The following SVOPL variants were observed in gnomAD, a reference collection of about 807,000 sequenced individuals.
The protein encoded by SVOPL is putative transporter SVOPL.
SVOPL carries 60 observed loss-of-function variants against 61.0 expected under a neutral mutation model. The ratio of observed to expected loss-of-function variants is 0.98; its 90% confidence interval spans 0.80 to 1.22. The LOEUF is 1.22. Among genes scored for constraint, SVOPL ranks in the 50% most tolerant of loss-of-function variants. The probability of loss-of-function intolerance (pLI) is 0.00; values close to 1 mark genes in which losing one functional copy is unlikely to be tolerated. For missense variants in SVOPL, 662 were observed against 643.9 expected (o/e 1.03, Z -0.30); for synonymous variants, 279 against 250.0 (o/e 1.12, Z -1.09).
chr7:138,621,107 C>G lies in SVOPL; in HGVS notation c.1292G>C (p.Gly431Ala). The G allele has an allele frequency of 6.2e-7, 1 of 1,613,702 alleles. No individual in the cohort carries two copies. Among genetic ancestry groups the G allele is most frequent in the Non-Finnish European group, 8.5e-7 (1 of 1,179,858 alleles). Residue 431 changes from glycine to alanine, a missense_variant, in exon 14 of 16, where the codon GGG becomes GCG. Coordinates refer to ENST00000674285, the MANE Select transcript of SVOPL (RefSeq NM_001139456.2). ...EVYPTTMRAL[G>A]MGTSGSLCRI... ...ACACAGGGAGCCGCTGGTTCCCATCCCCAAAGCGCGCATCGTGGTGGGGTA... is the reference window on the plus strand; with the variant it reads ...ACACAGGGAGCCGCTGGTTCCCATCGCCAAAGCGCGCATCGTGGTGGGGTA...
chr7:138,640,723 T>C (rs1233205057), intron 9 of SVOPL, among the ~76,000 whole-genome samples: 1 of 152,014 alleles, frequency 6.6e-6, no homozygotes, highest in Admixed American at 6.6e-5. Flanking sequence ...TGGGTACTCA[T>C]GGACATAAAG....
Position 138,656,511 on chromosome 7 carries a change from C to T in SVOPL, c.471G>A (p.Gly157=). 1 of 1,613,616 alleles carries T rather than the reference C, an allele frequency of 6.2e-7. No homozygotes were observed. The highest frequency in any genetic ancestry group is 1.1e-5 in the South Asian group (1 of 91,012). The part of the protein sequence containing the change: ...VGCGVSGHSQ[G]LIIKTEFLPT... The stretch of plus-strand genomic sequence containing the variant: ...GCAAAAATTCAGTCTTTATGATTAA[C>T]CTAAACAGGAAGCAGGAAAAAGCAT... The change falls in exon 7 of 16, where the codon GGG becomes GGA. Residue 157 remains glycine (G), a splice_region_variant and synonymous_variant. Coordinates refer to ENST00000674285, the MANE Select transcript of SVOPL (RefSeq NM_001139456.2).
rs140910346 is a variant in SVOPL at position 138,625,958 on chromosome 7, T to A, written c.1263+11A>T. 127 of 1,613,914 alleles carry A rather than the reference T, an allele frequency of 7.9e-5. No homozygotes were observed. The highest frequency in any genetic ancestry group is 1.6e-4 in the Middle Eastern group (1 of 6,062). On this transcript the variant is annotated intron_variant, in intron 13 of 15. Coordinates refer to ENST00000674285, the MANE Select transcript of SVOPL (RefSeq NM_001139456.2). ...ACACCCTTTGTAAGCAAGCCTTGCA[T>A]GAAAACTCACCTCAGCTGTGTAAAT...
chr7:138,689,419 AGAT>A, intron 1 of SVOPL: 1 of 1,276,552 alleles, frequency 7.8e-7, no homozygotes, highest in Non-Finnish European at 1.1e-6. Flanking sequence ...TGCCACATCG[AGAT>A]GATCCTTACT....
chr7:138,678,884 C>T (rs1307075787), intron 2 of SVOPL, 80 bp downstream of exon 2: 58 of 1,418,774 alleles, frequency 4.1e-5, no homozygotes, highest in Non-Finnish European at 5.0e-5. Flanking sequence ...CTTTTGACCT[C>T]ACCTTTTTGC....
At chr7:138,676,709 C>T (rs1188112811) in intron 3 of SVOPL, among the ~76,000 whole-genome samples, 1 of 152,128 alleles carries the variant, frequency 6.6e-6, no homozygotes, top group Non-Finnish European at 1.5e-5. Context: ...TGTTTGAGAG[C>T]CATGTGTTCG....
At chr7:138,655,887 G>A (rs1356686184) in intron 7 of SVOPL, among the ~76,000 whole-genome samples, 3 of 152,124 alleles carry the variant, frequency 2.0e-5, no homozygotes, top group Non-Finnish European at 2.9e-5. Context: ...CATAAACTTA[G>A]TTGATAAGGC....
chr7:138,612,715 A>T (rs984690903), intron 14 of SVOPL, among the ~76,000 whole-genome samples: 1 of 152,018 alleles, frequency 6.6e-6, no homozygotes, highest in African/African-American at 2.4e-5. Context: ...GGTTTTCACC[A>T]TGTTGGCCAG....
rs547282880 is a variant in SVOPL at position 138,700,553 on chromosome 7, C to A, written c.-35+625G>T. Among the ~76,000 whole-genome samples, 5 of 152,064 alleles carry A rather than the reference C, an allele frequency of 3.3e-5. No homozygotes were observed. In the South Asian group the frequency reaches 1.0e-3, roughly 32 times the overall value. The stretch of plus-strand genomic sequence containing the variant: ...ACGGGGTTTCACCATCTTGGTCAGG[C>A]TGGTCTTGAACTCCTGACCTTGTGA... On this transcript the variant is annotated intron_variant, in intron 1 of 15. Coordinates refer to ENST00000674285, the MANE Select transcript of SVOPL (RefSeq NM_001139456.2).
chr7:138,632,733 G>A (rs1232144160), intron 9 of SVOPL, among the ~76,000 whole-genome samples: 2 of 151,532 alleles, frequency 1.3e-5, no homozygotes, highest in Non-Finnish European at 2.9e-5. Flanking sequence ...GGGAGGATGG[G>A]GGCGGGAGGA....
At chr7:138,612,851 G>C (rs11974460) in intron 14 of SVOPL, among the ~76,000 whole-genome samples, 93,474 of 151,724 alleles carry the variant, frequency 0.62, 29,961 homozygotes, top group East Asian at 0.99. Context: ...GGTTTACCAT[G>C]TTTTCCTATA....
chr7:138,620,271 C>T (rs1799502633), intron 14 of SVOPL, among the ~76,000 whole-genome samples: 1 of 150,556 alleles, frequency 6.6e-6, no homozygotes, highest in African/African-American at 2.4e-5. Flanking sequence ...CAGGAGAGCA[C>T]CACCATGCCC....
intron 4 of SVOPL, among the ~76,000 whole-genome samples, chr7:138,670,820 A>C (rs1297133593): frequency 6.6e-6 from 1 of 152,078 alleles, no homozygotes; most frequent in Non-Finnish European, 1.5e-5. Context: ...CTGCAGCCTT[A>C]TCTCCTTGGA....
chr7:138,611,564 C>T (rs186232427), intron 14 of SVOPL, among the ~76,000 whole-genome samples: 17 of 152,218 alleles, frequency 1.1e-4, no homozygotes, highest in African/African-American at 4.1e-4. Context: ...TTCCCATTAA[C>T]TTGTGAAGTT....
At chr7:138,648,533 CAAAAA>C (rs61171485) in intron 8 of SVOPL, among the ~76,000 whole-genome samples, 4,232 of 73,820 alleles carry the variant, frequency 0.057, 269 homozygotes, top group African/African-American at 0.17. Context: ...ACTAAAAATC[CAAAAA>C]AAAAAAAAAA....
At chr7:138,622,082 CTAT>C (rs1563096145) in intron 13 of SVOPL, among the ~76,000 whole-genome samples, 17 of 92,584 alleles carry the variant, frequency 1.8e-4, no homozygotes, top group African/African-American at 7.5e-4. Flanking sequence ...ATCTATCTAT[CTAT>C]CTATGTATCT....
intron 1 of SVOPL, among the ~76,000 whole-genome samples, chr7:138,680,599 G>T (rs1365571715): frequency 1.3e-5 from 2 of 151,870 alleles, no homozygotes; most frequent in African/African-American, 4.8e-5. Flanking sequence ...GTGTGTGTGA[G>T]ACGGAGTCTT....
At chr7:138,674,445 C>T (rs990511294) in intron 3 of SVOPL, among the ~76,000 whole-genome samples, 5 of 151,894 alleles carry the variant, frequency 3.3e-5, no homozygotes, top group Non-Finnish European at 7.4e-5. Context: ...TAAGACCAGT[C>T]GAAAGATTTG....
intron 14 of SVOPL, among the ~76,000 whole-genome samples, chr7:138,612,974 C>G (rs1376777757): frequency 1.3e-5 from 2 of 152,096 alleles, no homozygotes; most frequent in Non-Finnish European, 2.9e-5. Flanking sequence ...TCTACCCTTT[C>G]CCTCCTCCAA....
Sources: allele counts gnomAD v4.1 joint callset (sites outside exome capture counted in the v4.1 genomes callset), GRCh38; gene constraint gnomAD v4.1.1; transcripts MANE v1.5; gene names NCBI Gene and HGNC (gene_info 2026-07-23, HGNC 2026-07-21).